Variants in ZDHHC17 observed in about 807,000 individuals in gnomAD.
ZDHHC17 encodes zDHHC palmitoyltransferase 17, also known as palmitoyltransferase ZDHHC17.
ZDHHC17 carries 40 observed loss-of-function variants against 90.3 expected under a neutral mutation model. That is an observed-to-expected ratio of 0.44 (90% confidence interval 0.34 to 0.58). The LOEUF (loss-of-function observed/expected upper bound fraction) is 0.58. ZDHHC17 is among the 20% of genes least tolerant of loss of function. The pLI, the probability that ZDHHC17 is intolerant of heterozygous loss-of-function variation, is 0.01. For synonymous variants in ZDHHC17, 235 were observed against 252.4 expected, an observed-to-expected ratio of 0.93 and a Z score of 0.65; for missense variants, 614 against 780.8, an observed-to-expected ratio of 0.79 and a Z score of 2.55.
intron 7 of ZDHHC17, among the ~76,000 whole-genome samples, chr12:76,817,907 C>T (rs1187188457): frequency 1.3e-5 from 2 of 152,096 alleles, no homozygotes; most frequent in African/African-American, 4.8e-5. Flanking sequence ...AATGTAACTT[C>T]CTTAACTATT....
At chr12:76,799,200 A>G (rs923634310) in intron 2 of ZDHHC17, among the ~76,000 whole-genome samples, 1 of 152,162 alleles carries the variant, frequency 6.6e-6, no homozygotes, top group Non-Finnish European at 1.5e-5. Context: ...TAATAGTCAT[A>G]TTTCCTTAGG....
intron 10 of ZDHHC17, among the ~76,000 whole-genome samples, chr12:76,832,372 G>T (rs1953314241): frequency 6.6e-6 from 1 of 152,162 alleles, no homozygotes; most frequent in African/African-American, 2.4e-5. Flanking sequence ...AAACTGATTA[G>T]ACTAGTTTTG....
In ZDHHC17 at chr12:76,848,215, C is replaced by T; in HGVS notation, c.1508-18C>T. The T allele has an allele frequency of 3.7e-6, 6 of 1,613,306 alleles. No individual in the cohort carries two copies. The highest frequency in any genetic ancestry group is 4.2e-6 in the Non-Finnish European group (5 of 1,179,452). ...GATGATTATTGAGTAAATACGAGTACTTCTGTTCTGGCTTTAGACTGGGGA... is the reference window on the plus strand; with the variant it reads ...GATGATTATTGAGTAAATACGAGTATTTCTGTTCTGGCTTTAGACTGGGGA... On this transcript the variant is annotated intron_variant, in intron 14 of 16. Transcript: ENST00000426126.
At chr12:76,772,024 G>A (rs538227999) in intron 1 of ZDHHC17, among the ~76,000 whole-genome samples, 66 of 152,178 alleles carry the variant, frequency 4.3e-4, no homozygotes, top group Non-Finnish European at 6.8e-4. Flanking sequence ...CCATGTAGCC[G>A]GGACATAGAT....
intron 10 of ZDHHC17, among the ~76,000 whole-genome samples, chr12:76,832,798 A>G (rs1181908154): frequency 1.3e-5 from 2 of 152,260 alleles, no homozygotes; most frequent in African/African-American, 4.8e-5. Flanking sequence ...GGCCCTAAAT[A>G]GACCATGTAA....
In ZDHHC17 at chr12:76,825,172, G is replaced by C. The variant is rs138249798; in HGVS notation, c.898-1736G>C. 3.6e-4 allele frequency among the ~76,000 whole-genome samples: 55 copies of C among 152,256 alleles called. No individual in the cohort carries two copies. The Middle Eastern group carries it at 0.01, about 28-fold the overall frequency. On this transcript the variant is annotated intron_variant, in intron 8 of 16. Coordinates refer to ENST00000426126, the MANE Select transcript of ZDHHC17 (RefSeq NM_015336.4). ...AGTTTCCTGGTTGTGACATGCTACT[G>C]TTACCATTGTTGTGATATGCTACTG...
At chr12:76,839,808 T>G (rs1301851583) in intron 10 of ZDHHC17, among the ~76,000 whole-genome samples, 2 of 152,248 alleles carry the variant, frequency 1.3e-5, no homozygotes, top group African/African-American at 4.8e-5. Context: ...GTGTTGTTAG[T>G]GGGGTTATAA....
Position 76,764,304 on chromosome 12 carries a change from G to A in ZDHHC17, c.68G>A (p.Gly23Asp). The A allele has an allele frequency of 6.2e-7, 1 of 1,604,486 alleles. No individual in the cohort carries two copies. Among genetic ancestry groups the A allele is most frequent in the Non-Finnish European group, 8.5e-7 (1 of 1,175,658 alleles). Reference protein sequence around the residue: ...DGPDEYDTEAGCVPLLHPEEI... With the variant: ...DGPDEYDTEADCVPLLHPEEI... ...CCGGATGAGTACGATACCGAAGCGG[G>A]CTGTGTGCCCCTTCTCCACCCAGAG... Residue 23 changes from glycine to aspartate, a missense_variant, in exon 1 of 17, where the codon GGC becomes GAC. Coordinates refer to ENST00000426126, the MANE Select transcript of ZDHHC17 (RefSeq NM_015336.4).
At chr12:76,845,251 G>C (rs1358540304) in intron 12 of ZDHHC17, 1 of 152,096 alleles carries the variant, frequency 6.6e-6, no homozygotes, top group Non-Finnish European at 1.5e-5. Flanking sequence ...AATTTTAAGA[G>C]CTTTTTAAAT....
At chr12:76,807,422 C>G (rs939584120) in intron 3 of ZDHHC17, among the ~76,000 whole-genome samples, 2 of 152,110 alleles carry the variant, frequency 1.3e-5, no homozygotes, top group African/African-American at 4.8e-5. Context: ...CTTCTGAAAA[C>G]CTAGGATCAT....
intron 1 of ZDHHC17, among the ~76,000 whole-genome samples, chr12:76,779,480 G>A (rs1952599260): frequency 6.6e-6 from 1 of 152,082 alleles, no homozygotes; most frequent in Admixed American, 6.5e-5. Flanking sequence ...AAAACCATCA[G>A]ATCTTGTGAG....
intron 5 of ZDHHC17, among the ~76,000 whole-genome samples, chr12:76,811,893 CT>C (rs1953028240): frequency 6.6e-6 from 1 of 152,098 alleles, no homozygotes; most frequent in African/African-American, 2.4e-5. Flanking sequence ...AATTTTACCC[CT>C]GACACCTTTG....
At chr12:76,780,914 G>T (rs930660982) in intron 1 of ZDHHC17, among the ~76,000 whole-genome samples, 4 of 151,662 alleles carry the variant, frequency 2.6e-5, no homozygotes, top group African/African-American at 9.7e-5. Context: ...GAGGTCAGGA[G>T]ATCGAGACCA....
intron 8 of ZDHHC17, among the ~76,000 whole-genome samples, chr12:76,824,945 T>G (rs757370131): frequency 2.6e-5 from 4 of 151,416 alleles, no homozygotes; most frequent in Non-Finnish European, 5.9e-5. Context: ...ATATCTTAGA[T>G]TTTTTACTTA....
At chr12:76,823,769 C>G (rs1371294867) in intron 8 of ZDHHC17, among the ~76,000 whole-genome samples, 1 of 152,160 alleles carries the variant, frequency 6.6e-6, no homozygotes, top group Non-Finnish European at 1.5e-5. Context: ...GAAAAGTCCC[C>G]TGGTCCGTTA....
intron 1 of ZDHHC17, among the ~76,000 whole-genome samples, chr12:76,774,942 A>G (rs1395736381): frequency 6.6e-6 from 1 of 152,174 alleles, no homozygotes; most frequent in Admixed American, 6.5e-5. Flanking sequence ...TTTTTGAGAC[A>G]GGATCTTACT....
At position 76,846,543 on chromosome 12, in the gene ZDHHC17, T is replaced by C. The variant is rs1953497138; in HGVS notation, c.1424-53T>C. On this transcript the variant is annotated intron_variant, in intron 13 of 16. Transcript: ENST00000426126. The stretch of plus-strand genomic sequence containing the variant: ...CATGGCATACCCCTCAAAGGTGCAT[T>C]ACCCGTTGTTTTTTTCTTAGCTGAA... 1.2e-5 allele frequency: 17 copies of C among 1,395,078 alleles called. 1 individual carries two copies. Among genetic ancestry groups the C allele is most frequent in the South Asian group, 9.7e-5 (8 of 82,796 alleles). 86.4% of individuals were successfully genotyped at this position (1,395,078 alleles called of 1,614,324 possible). A position where few individuals can be genotyped will look rare whatever the true frequency, so the allele number is the denominator to read the frequency against.
chr12:76,804,061 T>G (rs1360738039), intron 2 of ZDHHC17, among the ~76,000 whole-genome samples: 1 of 152,194 alleles, frequency 6.6e-6, no homozygotes, highest in Non-Finnish European at 1.5e-5. Context: ...CACAAAAGCT[T>G]TACAAGGTTT....
At chr12:76,784,602 G>A (rs927010155) in intron 1 of ZDHHC17, among the ~76,000 whole-genome samples, 7 of 152,084 alleles carry the variant, frequency 4.6e-5, no homozygotes, top group Non-Finnish European at 7.4e-5. Context: ...AAACAGTAAC[G>A]AACACCATAG....
Sources: allele counts gnomAD v4.1 joint callset (sites outside exome capture counted in the v4.1 genomes callset), GRCh38; gene constraint gnomAD v4.1.1; transcripts MANE v1.5; gene names NCBI Gene and HGNC (gene_info 2026-07-23, HGNC 2026-07-21).